Variants in STXBP6 observed in about 807,000 individuals in gnomAD.
The protein encoded by STXBP6 is syntaxin binding protein 6, also known as syntaxin-binding protein 6.
Under a neutral mutation model 26.9 loss-of-function variants are expected in STXBP6, and 21 were observed. The observed-to-expected ratio is 0.78, with a 90% CI of 0.55 to 1.12. The LOEUF is 1.12. STXBP6 is among the 50% of genes most tolerant of loss of function. The pLI is 0.00. For synonymous variants in STXBP6, 97 were observed against 92.6 expected, an observed-to-expected ratio of 1.05 and a Z score of -0.27; for missense variants, 232 against 257.9, an observed-to-expected ratio of 0.90 and a Z score of 0.69.
chr14:24,994,574 C>T (rs1376185424), intron 1 of STXBP6, among the ~76,000 whole-genome samples: 4 of 152,158 alleles, frequency 2.6e-5, no homozygotes, highest in Admixed American at 6.5e-5. Context: ...GAAGTCTTTC[C>T]AGATGTGTAT....
intron 1 of STXBP6, among the ~76,000 whole-genome samples, chr14:25,015,792 A>G (rs1050554625): frequency 3.4e-5 from 5 of 145,214 alleles, no homozygotes; most frequent in South Asian, 2.1e-4. Flanking sequence ...TTAACAAACA[A>G]CAACAAGGAA....
chr14:24,814,656 T>G (rs1013762945), intron 5 of STXBP6, among the ~76,000 whole-genome samples: 1 of 152,246 alleles, frequency 6.6e-6, no homozygotes, highest in Non-Finnish European at 1.5e-5. Flanking sequence ...TATTTGAGTA[T>G]TGGCATGGTC....
chr14:24,891,535 T>G (rs2070786879), intron 2 of STXBP6, among the ~76,000 whole-genome samples: 1 of 152,198 alleles, frequency 6.6e-6, no homozygotes, highest in Non-Finnish European at 1.5e-5. Context: ...TCAGGAGACC[T>G]GCCCGACCCT....
chr14:24,981,313 C>T (rs976972401), intron 1 of STXBP6, among the ~76,000 whole-genome samples: 1 of 151,984 alleles, frequency 6.6e-6, no homozygotes, highest in Non-Finnish European at 1.5e-5. Context: ...CACTGTTGCC[C>T]AGGCTGGGGT....
intron 2 of STXBP6, among the ~76,000 whole-genome samples, chr14:24,940,594 C>T (rs1381468428): frequency 1.3e-5 from 2 of 152,174 alleles, no homozygotes; most frequent in East Asian, 1.9e-4. Flanking sequence ...TATTTTTATG[C>T]TGGTATGTGT....
intron 2 of STXBP6, among the ~76,000 whole-genome samples, chr14:24,963,427 G>A (rs1020392220): frequency 6.6e-6 from 1 of 152,110 alleles, no homozygotes; most frequent in Non-Finnish European, 1.5e-5. Flanking sequence ...TGATAAAAAC[G>A]TCAAAATGCA....
At chr14:24,924,607 G>T (rs759219542) in intron 2 of STXBP6, among the ~76,000 whole-genome samples, 1 of 152,088 alleles carries the variant, frequency 6.6e-6, no homozygotes, top group Non-Finnish European at 1.5e-5. Flanking sequence ...TGCCCATTTG[G>T]TGTTTCTCCA....
At chr14:24,820,069 A>G (rs1291640998) in intron 4 of STXBP6, among the ~76,000 whole-genome samples, 1 of 152,248 alleles carries the variant, frequency 6.6e-6, no homozygotes, top group African/African-American at 2.4e-5. Flanking sequence ...GAACTTGCCA[A>G]TGCATAAATC....
chr14:25,035,419 C>A (rs1052441346), intron 1 of STXBP6, among the ~76,000 whole-genome samples: 1 of 152,186 alleles, frequency 6.6e-6, no homozygotes, highest in Non-Finnish European at 1.5e-5. Flanking sequence ...GTACAAAGCA[C>A]CATTTATACG....
At chr14:24,860,583 T>C (rs1472868293) in intron 2 of STXBP6, among the ~76,000 whole-genome samples, 11 of 152,270 alleles carry the variant, frequency 7.2e-5, no homozygotes, top group Middle Eastern at 3.4e-3. Context: ...AGGAGACAAA[T>C]TATCTATTTA....
At chr14:24,868,843 G>T (rs2069819785) in intron 2 of STXBP6, among the ~76,000 whole-genome samples, 1 of 152,178 alleles carries the variant, frequency 6.6e-6, no homozygotes. Context: ...CATTGCAGTT[G>T]ACTCTCCAGA....
At chr14:25,038,682 G>A (rs1300568855) in intron 1 of STXBP6, among the ~76,000 whole-genome samples, 1 of 152,138 alleles carries the variant, frequency 6.6e-6, no homozygotes, top group East Asian at 1.9e-4. Flanking sequence ...TAGGAGGAGG[G>A]AGAAGAGCAG....
At chr14:24,916,152 C>A (rs1452700057) in intron 2 of STXBP6, among the ~76,000 whole-genome samples, 1 of 152,070 alleles carries the variant, frequency 6.6e-6, no homozygotes, top group African/African-American at 2.4e-5. Context: ...GTCTTCACCC[C>A]CTGGGTTTAG....
intron 1 of STXBP6, among the ~76,000 whole-genome samples, chr14:25,041,038 G>A (rs563997531): frequency 5.3e-5 from 8 of 152,076 alleles, no homozygotes; most frequent in Middle Eastern, 3.4e-3. Flanking sequence ...AAGAAAAAAC[G>A]GGGCCAGGCG....
chr14:24,821,105 G>A (rs1441864465), intron 4 of STXBP6, among the ~76,000 whole-genome samples: 4 of 152,228 alleles, frequency 2.6e-5, no homozygotes, highest in Admixed American at 2.6e-4. Context: ...AGATGGGGAA[G>A]GGCGCAGAGG....
intron 1 of STXBP6, among the ~76,000 whole-genome samples, chr14:24,981,369 C>T (rs2074188109): frequency 6.6e-6 from 1 of 151,952 alleles, no homozygotes; most frequent in Non-Finnish European, 1.5e-5. Flanking sequence ...CTCCCAGGTT[C>T]AAGCAATTCT....
At chr14:24,998,765 T>C (rs1037173808) in intron 1 of STXBP6, among the ~76,000 whole-genome samples, 3 of 152,198 alleles carry the variant, frequency 2.0e-5, no homozygotes, top group Admixed American at 6.5e-5. Flanking sequence ...TTTGTGTTTG[T>C]TTTGAAAGGA....
chr14:24,869,678 T>C (rs1482969509), intron 2 of STXBP6, among the ~76,000 whole-genome samples: 1 of 152,146 alleles, frequency 6.6e-6, no homozygotes, highest in Non-Finnish European at 1.5e-5. Flanking sequence ...GTCAAAACGC[T>C]CTTCTCAAAA....
At chr14:24,991,611 C>T (rs1165098156) in intron 1 of STXBP6, among the ~76,000 whole-genome samples, 23 of 152,274 alleles carry the variant, frequency 1.5e-4, no homozygotes, top group African/African-American at 5.1e-4. Context: ...AGTCAAAAGA[C>T]ATATTAATGC....
Sources: allele counts gnomAD v4.1 joint callset (sites outside exome capture counted in the v4.1 genomes callset), GRCh38; gene constraint gnomAD v4.1.1; transcripts MANE v1.5; gene names NCBI Gene and HGNC (gene_info 2026-07-23, HGNC 2026-07-21).